The following SLFN12 variants were observed in gnomAD, a reference collection of about 807,000 sequenced individuals.
The protein encoded by SLFN12 is schlafen family member 12.
Under a neutral mutation model 29.1 loss-of-function variants are expected in SLFN12, and 25 were observed. That is an observed-to-expected ratio of 0.86 (90% confidence interval 0.63 to 1.20). SLFN12 has a LOEUF of 1.20. Ranked by LOEUF, SLFN12 falls within the 50% of genes most tolerant of loss-of-function variation. The pLI is 0.00. For synonymous variants in SLFN12, 257 were observed against 238.7 expected, an observed-to-expected ratio of 1.08 and a Z score of -0.71; for missense variants, 660 against 666.2, an observed-to-expected ratio of 0.99 and a Z score of 0.10.
intron 1 of SLFN12, among the ~76,000 whole-genome samples, chr17:35,428,430 C>A (rs958843689): frequency 1.3e-5 from 2 of 152,022 alleles, no homozygotes; most frequent in Non-Finnish European, 2.9e-5. Context: ...TGTTAGAAAG[C>A]ATCTTAGTGG....
intron 3 of SLFN12, among the ~76,000 whole-genome samples, chr17:35,413,014 AG>A (rs1911113432): frequency 6.6e-6 from 1 of 151,846 alleles, no homozygotes; most frequent in Admixed American, 6.6e-5. Context: ...AGCAGAAAAC[AG>A]GACTAGTCAA....
At chr17:35,429,396 G>T (rs1324603547) in intron 1 of SLFN12, among the ~76,000 whole-genome samples, 1 of 151,972 alleles carries the variant, frequency 6.6e-6, no homozygotes, top group African/African-American at 2.4e-5. Flanking sequence ...CATACATCTG[G>T]GACAAAACCC....
intron 1 of SLFN12, among the ~76,000 whole-genome samples, chr17:35,431,684 T>C (rs184618774): frequency 2.2e-3 from 337 of 152,262 alleles, no homozygotes; most frequent in African/African-American, 7.9e-3. Context: ...GCTTTCCTTT[T>C]GTCTCTGGAT....
chr17:35,430,130 C>T lies in SLFN12; in HGVS notation c.-41+2058G>A, dbSNP rs147712044. ...AGCAAAAGTTCCACCCGACCTATAG[C>T]TTCCAAGTCCACCATTCTGAAGTCC... On this transcript the variant is annotated intron_variant, in intron 1 of 3. Coordinates refer to ENST00000304905, the MANE Select transcript of SLFN12 (RefSeq NM_018042.5). Among the ~76,000 whole-genome samples, 285 of 152,198 alleles carry T rather than the reference C, an allele frequency of 1.9e-3. 4 individuals carry two copies. The highest frequency in any genetic ancestry group is 0.016 in the Admixed American group (251 of 15,292).
intron 1 of SLFN12, among the ~76,000 whole-genome samples, chr17:35,426,856 A>G (rs1912047511): frequency 6.6e-6 from 1 of 152,104 alleles, no homozygotes; most frequent in Non-Finnish European, 1.5e-5. Context: ...CTCTACATAC[A>G]TGCCTGCTTT....
chr17:35,420,905 T>C (rs1346641093), intron 2 of SLFN12: 1 of 152,190 alleles, frequency 6.6e-6, no homozygotes, highest in African/African-American at 2.4e-5. Context: ...AGCGGTTTTA[T>C]AGGAAATAAA....
In SLFN12 at chr17:35,411,415, G is replaced by A. The variant is rs1169206346; in HGVS notation, c.1660C>T (p.Leu554=). 6.2e-7 allele frequency: 1 copy of A among 1,610,502 alleles called. No homozygotes were observed. Among genetic ancestry groups the A allele is most frequent in the Non-Finnish European group, 8.5e-7 (1 of 1,178,956 alleles). Residue 554 remains leucine, a synonymous_variant, in exon 4 of 4, where the codon CTA becomes TTA. Transcript: ENST00000304905. The part of the protein sequence containing the change: ...LRDQFSFAEN[L]YQIIGIDCFQ... ...CAATCTATACCGATTATCTGGTATA[G>A]ATTTTCTGCAAAGGAAAACTGGTCT...
Position 35,422,744 on chromosome 17 carries a change from G to T in SLFN12, c.285C>A (p.Asp95Glu). ...NILLFVPEYL[D>E]FMQNGNYFLI... ...GAAAGTAGTTACCATTCTGCATGAA[G>T]TCTAAGTACTCAGGAACAAATAACA... The change falls in exon 2 of 4, where the codon GAC becomes GAA. Residue 95 changes from aspartate (D) to glutamate (E), a missense_variant. By Grantham distance (45) the Asp-to-Glu change is conservative (BLOSUM62 2). Coordinates refer to ENST00000304905, the MANE Select transcript of SLFN12 (RefSeq NM_018042.5). 1 of 1,614,124 alleles carries T rather than the reference G, an allele frequency of 6.2e-7. No individual in the cohort carries two copies. Among genetic ancestry groups the T allele is most frequent in the African/African-American group, 1.3e-5 (1 of 75,072 alleles).
Position 35,422,835 on chromosome 17 carries a change from T to C in SLFN12, c.194A>G (p.Asn65Ser), listed in dbSNP as rs776194290. The change falls in exon 2 of 4, where the codon AAT (asparagine) becomes AGT (serine). Residue 65 changes from asparagine to serine, a missense_variant. Coordinates refer to ENST00000304905, the MANE Select transcript of SLFN12 (RefSeq NM_018042.5). ...ATCTTTTGTATAACTATAGTCTTCA[T>C]TCTCAATTTCAGCCTTGATCACTCC... ...GGGVIKAEIE[N>S]EDYSYTKDGI... 4 of 1,613,786 alleles carry C rather than the reference T, an allele frequency of 2.5e-6. No individual in the cohort carries two copies. In the South Asian group the frequency reaches 4.4e-5, roughly 18 times the overall value.
intron 3 of SLFN12, among the ~76,000 whole-genome samples, chr17:35,416,142 G>C (rs949911722): frequency 1.3e-5 from 2 of 151,916 alleles, no homozygotes; most frequent in African/African-American, 2.4e-5. Flanking sequence ...AAGAAAATGT[G>C]GTATATATAC....
At chr17:35,412,925 T>C (rs1185190513) in intron 3 of SLFN12, among the ~76,000 whole-genome samples, 1 of 152,048 alleles carries the variant, frequency 6.6e-6, no homozygotes, top group Non-Finnish European at 1.5e-5. Context: ...ATAAAAATTG[T>C]GTGGGCATTC....
At chr17:35,413,180 T>C (rs1456733816) in intron 3 of SLFN12, among the ~76,000 whole-genome samples, 1 of 151,904 alleles carries the variant, frequency 6.6e-6, no homozygotes, top group African/African-American at 2.4e-5. Flanking sequence ...AGATAAGCAA[T>C]ATTTGAAGAG....
chr17:35,426,371 C>A (rs1912023051), intron 1 of SLFN12, among the ~76,000 whole-genome samples: 1 of 152,150 alleles, frequency 6.6e-6, no homozygotes, highest in South Asian at 2.1e-4. Flanking sequence ...CATCACTGCC[C>A]AGGCCAATGT....
At chr17:35,431,944 CCAGAAAAGA>C (rs1912338856) in intron 1 of SLFN12, 2 of 152,090 alleles carry the variant, frequency 1.3e-5, no homozygotes, top group Admixed American at 1.3e-4. Flanking sequence ...GGGACCACAA[CCAGAAAAGA>C]CAGAAAAGAG....
rs748751459 is a variant in SLFN12, at chr17:35,421,980, C to G, written c.1039+10G>C. On this transcript the variant is annotated intron_variant, in intron 2 of 3. Coordinates refer to ENST00000304905, the MANE Select transcript of SLFN12 (RefSeq NM_018042.5). ...AAATGCATTCCTGTTGCGAATCCCCCGCTCTCAACTTGGTTCAGCCTCCAC... is the reference window on the plus strand; with the variant it reads ...AAATGCATTCCTGTTGCGAATCCCCGGCTCTCAACTTGGTTCAGCCTCCAC... The G allele has an allele frequency of 1.9e-6, 3 of 1,608,934 alleles. No individual in the cohort carries two copies. Among genetic ancestry groups the G allele is most frequent in the Non-Finnish European group, 1.7e-6 (2 of 1,176,358 alleles).
At chr17:35,426,539 C>A (rs1354466159) in intron 1 of SLFN12, among the ~76,000 whole-genome samples, 1 of 152,084 alleles carries the variant, frequency 6.6e-6, no homozygotes, top group African/African-American at 2.4e-5. Context: ...ATTTTAAAAT[C>A]TTTGTCTAAT....
intron 3 of SLFN12, among the ~76,000 whole-genome samples, chr17:35,418,091 G>A: frequency 6.6e-6 from 1 of 151,872 alleles, no homozygotes; most frequent in East Asian, 1.9e-4. Flanking sequence ...AAGTTTTTTT[G>A]GCATTTAAGC....
Position 35,411,414 on chromosome 17 carries a change from A to G in SLFN12, c.1661T>C (p.Leu554Pro), listed in dbSNP as rs1910992493. ...LRDQFSFAENLYQIIGIDCFQ... is the reference protein window; with the variant it reads ...LRDQFSFAENPYQIIGIDCFQ... Reference sequence around the variant, plus strand: ...GCAATCTATACCGATTATCTGGTATAGATTTTCTGCAAAGGAAAACTGGTC... The same window carrying G: ...GCAATCTATACCGATTATCTGGTATGGATTTTCTGCAAAGGAAAACTGGTC... The change falls in exon 4 of 4, where the codon CTA becomes CCA. Residue 554 changes from leucine (L) to proline (P), a missense_variant. Leu to Pro is a moderately conservative substitution (Grantham distance 98, BLOSUM62 -3). Coordinates refer to ENST00000304905, the MANE Select transcript of SLFN12 (RefSeq NM_018042.5). The G allele has an allele frequency of 1.9e-6, 3 of 1,610,264 alleles. No individual in the cohort carries two copies. The highest frequency in any genetic ancestry group is 1.7e-5 in the Admixed American group (1 of 59,172).
chr17:35,423,588 A>T (rs1911830654), intron 1 of SLFN12, among the ~76,000 whole-genome samples: 1 of 152,146 alleles, frequency 6.6e-6, no homozygotes, highest in Non-Finnish European at 1.5e-5. Context: ...AATGAAATAG[A>T]TTTATAAATT....
Sources: gnomAD v4.1 joint callset for allele counts (sites outside exome capture counted in the v4.1 genomes callset) on GRCh38, gnomAD v4.1.1 for gene constraint, MANE v1.5 for transcripts, NCBI Gene and HGNC (gene_info 2026-07-23, HGNC 2026-07-21) for gene names.